The following WWTR1 variants were observed in gnomAD, a reference collection of about 807,000 sequenced individuals.
WWTR1 encodes the protein WW domain containing transcription regulator 1.
A neutral mutation model predicts 40.1 loss-of-function variants in WWTR1; 13 were observed. The ratio of observed to expected loss-of-function variants is 0.32; its 90% CI spans 0.21 to 0.52. The LOEUF is 0.52. WWTR1 is among the 20% of genes least tolerant of loss of function. The pLI is 0.97. For missense variants in WWTR1, 436 were observed against 523.1 expected (o/e 0.83, Z 1.63); for synonymous variants, 230 against 210.1 (o/e 1.09, Z -0.82).
chr3:149,685,117 T>G (rs114348503), intron 1 of WWTR1, among the ~76,000 whole-genome samples: 2,102 of 152,332 alleles, frequency 0.014, 32 homozygotes, highest in East Asian at 0.063. Flanking sequence ...TTAGAGGACA[T>G]GCTCTCTTAT....
chr3:149,533,187 C>T (rs1435770510), intron 4 of WWTR1, among the ~76,000 whole-genome samples: 1 of 152,212 alleles, frequency 6.6e-6, no homozygotes, highest in Non-Finnish European at 1.5e-5. Flanking sequence ...TCAAAACCTG[C>T]TTTCTGTCTC....
At position 149,715,291 on chromosome 3, in the gene WWTR1, C is replaced by T. The variant is rs1715578040; in HGVS notation, n.584+2151G>A. ...GCTCCCCAAGCCAGGGCTGTGACTCCCTCTTTGGGGGCCTGCAGTTGCAGG... is the reference window on the plus strand; with the variant it reads ...GCTCCCCAAGCCAGGGCTGTGACTCTCTCTTTGGGGGCCTGCAGTTGCAGG... On this transcript the variant is annotated intron_variant and non_coding_transcript_variant, in intron 5 of 6. Transcript: ENST00000474080. 2.0e-5 allele frequency among the ~76,000 whole-genome samples: 3 copies of T among 152,194 alleles called. No individual in the cohort carries two copies. The South Asian group carries it at 6.2e-4, about 32-fold the overall frequency.
intron 1 of WWTR1, among the ~76,000 whole-genome samples, chr3:149,675,985 G>A (rs1004011242): frequency 3.3e-5 from 5 of 152,116 alleles, no homozygotes; most frequent in African/African-American, 9.7e-5. Context: ...GATTACAGGC[G>A]TGAGCCACCG....
intron 2 of WWTR1, among the ~76,000 whole-genome samples, chr3:149,616,939 A>C (rs933965990): frequency 6.6e-6 from 1 of 152,178 alleles, no homozygotes; most frequent in Non-Finnish European, 1.5e-5. Context: ...GGAGGGAGTA[A>C]ATGTTGCTTT....
At chr3:149,648,815 C>T (rs967886887) in intron 2 of WWTR1, among the ~76,000 whole-genome samples, 1 of 152,204 alleles carries the variant, frequency 6.6e-6, no homozygotes, top group East Asian at 1.9e-4. Context: ...GGCAGCTGAT[C>T]CAGGCTCTAG....
intron 3 of WWTR1, among the ~76,000 whole-genome samples, chr3:149,557,134 G>A (rs925105423): frequency 3.7e-5 from 5 of 133,656 alleles, no homozygotes; most frequent in Admixed American, 9.0e-5. Flanking sequence ...GCAATGGCAC[G>A]GTCTCAGCTC....
intron 4 of WWTR1, among the ~76,000 whole-genome samples, chr3:149,720,655 A>C (rs2108237889): frequency 6.6e-6 from 1 of 152,170 alleles, no homozygotes; most frequent in East Asian, 1.9e-4. Flanking sequence ...TTTTGCAAAA[A>C]AAAAACCTAC....
chr3:149,532,442 A>G (rs1735629867), intron 4 of WWTR1, among the ~76,000 whole-genome samples: 2 of 152,204 alleles, frequency 1.3e-5, no homozygotes, highest in Admixed American at 1.3e-4. Context: ...TTTTTTTTAA[A>G]CAAGGAGAGG....
In WWTR1 at chr3:149,682,465, T is replaced by C. The variant is rs188693848; in HGVS notation, c.-107-12574A>G. Among the ~76,000 whole-genome samples, 821 of 152,282 alleles carry C rather than the reference T, an allele frequency of 5.4e-3. 4 individuals are homozygous for C. Among genetic ancestry groups the C allele is most frequent in the Non-Finnish European group, 9.4e-3 (636 of 68,010 alleles). ...AAGAATTTCTTTGTTAAGAGGCTGGTTTTTCTACTTTGGTGAAGTTGGAGT... is the reference window on the plus strand; with the variant it reads ...AAGAATTTCTTTGTTAAGAGGCTGGCTTTTCTACTTTGGTGAAGTTGGAGT... On this transcript the variant is annotated intron_variant, in intron 1 of 7. Coordinates refer to the WWTR1 transcript ENST00000465804.
intron 2 of WWTR1, among the ~76,000 whole-genome samples, chr3:149,588,127 A>C (rs1738516250): frequency 6.6e-6 from 1 of 152,212 alleles, no homozygotes; most frequent in African/African-American, 2.4e-5. Context: ...GACAATGAAC[A>C]GAAGTGCTGT....
chr3:149,714,565 T>C (rs1193336309), intron 5 of WWTR1, among the ~76,000 whole-genome samples: 1 of 152,214 alleles, frequency 6.6e-6, no homozygotes, highest in Non-Finnish European at 1.5e-5. Context: ...TGGGAACTAA[T>C]GAACATGGGA....
At chr3:149,531,022 C>T (rs936876072) in intron 4 of WWTR1, among the ~76,000 whole-genome samples, 6 of 151,992 alleles carry the variant, frequency 3.9e-5, no homozygotes, top group African/African-American at 1.2e-4. Flanking sequence ...GCAACCTTCA[C>T]CTACCGGGTT....
At chr3:149,567,231 T>C (rs1737374580) in intron 3 of WWTR1, among the ~76,000 whole-genome samples, 2 of 152,190 alleles carry the variant, frequency 1.3e-5, no homozygotes, top group South Asian at 4.1e-4. Context: ...GACACTTTCT[T>C]TTGGTAAAAA....
chr3:149,694,252 G>A (rs1204079976), intron 1 of WWTR1, among the ~76,000 whole-genome samples: 1 of 152,128 alleles, frequency 6.6e-6, no homozygotes, highest in Non-Finnish European at 1.5e-5. Flanking sequence ...AAATTAGCTG[G>A]GCATGGTGGC....
At position 149,649,262 on chromosome 3, in the gene WWTR1, G is replaced by A. The variant is rs903854393; in HGVS notation, c.431+7614C>T. 1.1e-4 allele frequency among the ~76,000 whole-genome samples: 16 copies of A among 152,334 alleles called. No homozygotes were observed. In the South Asian group the frequency reaches 3.3e-3, roughly 32 times the overall value. On this transcript the variant is annotated intron_variant, in intron 2 of 6. Transcript: ENST00000360632. Reference sequence around the variant, plus strand: ...CTGCCTCAGCCTCCCAAAGTGCTGGGATTACAGGCGTGAGCCACCGCGCCC... The same window carrying A: ...CTGCCTCAGCCTCCCAAAGTGCTGGAATTACAGGCGTGAGCCACCGCGCCC...
At chr3:149,700,008 G>T (rs1214147950) in intron 1 of WWTR1, among the ~76,000 whole-genome samples, 1 of 152,190 alleles carries the variant, frequency 6.6e-6, no homozygotes. Context: ...AAGAACAGAG[G>T]TTTAACTGGC....
chr3:149,530,073 G>GGC (rs1236423370), intron 4 of WWTR1, among the ~76,000 whole-genome samples: 1 of 152,030 alleles, frequency 6.6e-6, no homozygotes, highest in Non-Finnish European at 1.5e-5. Flanking sequence ...GTTGAGGCCG[G>GGC]GCGGTGGCTC....
exon 3 of WWTR1, chr3:149,724,771 C>T (rs1715834869): frequency 6.6e-6 from 1 of 151,774 alleles, no homozygotes; most frequent in Non-Finnish European, 1.5e-5. Context: ...CATCCAGTTC[C>T]ATCACTTTTT....
intron 4 of WWTR1, 43 bp from the exon 5 acceptor site, chr3:149,528,012 C>T (rs1255832267): frequency 1.3e-6 from 2 of 1,593,970 alleles, no homozygotes; most frequent in African/African-American, 1.3e-5. Flanking sequence ...CTCATTGTCA[C>T]AAGGCATGGA....
Sources: gnomAD v4.1 joint callset for allele counts (sites outside exome capture counted in the v4.1 genomes callset) on GRCh38, gnomAD v4.1.1 for gene constraint, MANE v1.5 for transcripts, NCBI Gene and HGNC (gene_info 2026-07-23, HGNC 2026-07-21) for gene names.